Variants in COBL observed in about 807,000 individuals in gnomAD.
COBL encodes protein cordon-bleu.
In COBL, 51 loss-of-function variants were observed where a neutral mutation model predicts 98.8. That is an observed-to-expected ratio of 0.52 (90% CI 0.41 to 0.65). COBL has a LOEUF of 0.65. Among genes scored for constraint, COBL ranks in the 30% least tolerant of loss-of-function variants. COBL has a pLI of 0.00. For missense variants in COBL, 1,617 were observed against 1,617.5 expected (o/e 1.00, Z 0.01); for synonymous variants, 634 against 651.7 (o/e 0.97, Z 0.41).
At chr7:51,040,245 T>A (rs535902791) in intron 8 of COBL, among the ~76,000 whole-genome samples, 1 of 149,192 alleles carries the variant, frequency 6.7e-6, no homozygotes, top group African/African-American at 2.5e-5. Context: ...ATTCATTCTA[T>A]GAAATCCCCC....
chr7:51,021,916 A>C lies in COBL; in HGVS notation c.3768+3193T>G, dbSNP rs140842576. Among the ~76,000 whole-genome samples, 611 of 152,342 alleles carry C rather than the reference A, an allele frequency of 4.0e-3. 1 individual carries two copies. The highest frequency in any genetic ancestry group is 5.1e-3 in the Non-Finnish European group (344 of 68,038). On this transcript the variant is annotated intron_variant, in intron 12 of 12. Coordinates refer to ENST00000265136, the MANE Select transcript of COBL (RefSeq NM_015198.5). ...GGAAATGCAGTTGGTTAATGCCTTC[A>C]AAAGAATGAATCATTGGTCCAGGTG...
Position 51,029,484 on chromosome 7 carries a change from C to T in COBL, c.1612G>A (p.Ala538Thr). 6.2e-7 allele frequency: 1 copy of T among 1,614,146 alleles called. No individual in the cohort carries two copies. Among genetic ancestry groups the T allele is most frequent in the Non-Finnish European group, 8.5e-7 (1 of 1,180,014 alleles). ...DAMIPHGDTD[A>T]IPVTFIGEVS... ...TCCCCTATGAATGTTACTGGGATTG[C>T]ATCTGTGTCGCCGTGAGGGATCATG... Residue 538 changes from alanine to threonine, a missense_variant, in exon 10 of 13, where the codon GCA (alanine) becomes ACA (threonine). By Grantham distance (58) the Ala-to-Thr change is moderately conservative. This residue lies in a region of COBL where 1,304 missense variants were observed against 1,282.0 expected (regional missense o/e 1.02). Transcript: ENST00000265136.
chr7:51,167,503 G>C (rs80316706), intron 5 of COBL, among the ~76,000 whole-genome samples: 19,364 of 151,686 alleles, frequency 0.13, 1,731 homozygotes, highest in African/African-American at 0.25. Flanking sequence ...CCATACTACC[G>C]TAAGCATTCT....
intron 1 of COBL, among the ~76,000 whole-genome samples, chr7:51,312,575 T>C (rs1240996516): frequency 6.6e-6 from 1 of 152,170 alleles, no homozygotes; most frequent in African/African-American, 2.4e-5. Context: ...TTACGGTGTA[T>C]AGATGCATCC....
In COBL at chr7:51,017,475, G is replaced by A; in HGVS notation, c.*76C>T. On this transcript the variant is annotated 3_prime_UTR_variant, in exon 13 of 13. Transcript: ENST00000265136. ...AGTAACACCAAAACTTGATGTTCCT[G>A]GCTATGCAGACTCCTTGAGTGACGC... is the stretch of plus-strand genomic sequence containing the variant. 6.8e-7 allele frequency: 1 copy of A among 1,461,260 alleles called. No individual in the cohort carries two copies. Among genetic ancestry groups the A allele is most frequent in the Non-Finnish European group, 9.6e-7 (1 of 1,041,194 alleles). The allele number at this position is 1,461,260 out of a possible 1,614,324, so 90.5% of individuals were successfully genotyped here.
chr7:51,306,047 G>C (rs540853002), intron 1 of COBL, among the ~76,000 whole-genome samples: 8 of 152,074 alleles, frequency 5.3e-5, no homozygotes, highest in African/African-American at 1.7e-4. Flanking sequence ...TTGGGGCGGG[G>C]GTGGGGGCAA....
intron 12 of COBL, 72 bp downstream of exon 12, chr7:51,025,037 C>A: frequency 5.0e-6 from 8 of 1,597,680 alleles, no homozygotes; most frequent in Non-Finnish European, 6.8e-6. Context: ...CACAGGCAAG[C>A]GTGTCCCTGG....
chr7:51,284,331 C>CAATAATACACTA (rs1800111613), intron 1 of COBL, among the ~76,000 whole-genome samples: 1 of 151,074 alleles, frequency 6.6e-6, no homozygotes, highest in Admixed American at 6.6e-5. Flanking sequence ...TAATACACTA[C>CAATAATACACTA]AATCAAGGAG....
intron 1 of COBL, among the ~76,000 whole-genome samples, chr7:51,281,172 AT>A (rs1298811718): frequency 2.6e-5 from 4 of 152,234 alleles, no homozygotes; most frequent in Non-Finnish European, 5.9e-5. Flanking sequence ...AATAACTAAA[AT>A]GAAAAACTCA....
chr7:51,189,403 G>A (rs1789875073), intron 4 of COBL, among the ~76,000 whole-genome samples: 1 of 152,210 alleles, frequency 6.6e-6, no homozygotes, highest in Admixed American at 6.5e-5. Context: ...GGAGGCCAAG[G>A]CAGGCGGATC....
Position 51,182,171 on chromosome 7 carries a change from A to G in COBL, c.783+1931T>C, listed in dbSNP as rs1214182964. On this transcript the variant is annotated intron_variant, in intron 5 of 12. Transcript: ENST00000265136. The stretch of plus-strand genomic sequence containing the variant: ...TGAACTGGTGTCCTCAGGATCAAGG[A>G]GGACAAGGGTGAACACAGTCCCAGC... Among the ~76,000 whole-genome samples the G allele has an allele frequency of 3.3e-5, 5 of 152,182 alleles. No individual in the cohort carries two copies. In the East Asian group the frequency reaches 9.6e-4, roughly 29 times the overall value.
chr7:51,059,048 C>T (rs976792308), intron 7 of COBL, among the ~76,000 whole-genome samples: 6 of 152,204 alleles, frequency 3.9e-5, no homozygotes, highest in Non-Finnish European at 8.8e-5. Flanking sequence ...ATAAGTGCAC[C>T]TGCAATGGGA....
At chr7:51,146,895 T>G (rs1219611805) in intron 5 of COBL, among the ~76,000 whole-genome samples, 1 of 152,104 alleles carries the variant, frequency 6.6e-6, no homozygotes, top group Non-Finnish European at 1.5e-5. Flanking sequence ...CATTGGGAAG[T>G]TGGAGAGCAG....
chr7:51,177,775 A>AT (rs1554416765), intron 5 of COBL, among the ~76,000 whole-genome samples: 85 of 142,902 alleles, frequency 5.9e-4, no homozygotes, highest in African/African-American at 2.1e-3. Flanking sequence ...CTGTCTCAAA[A>AT]AAATAAATAA....
rs188395646 is a variant in COBL, at chr7:51,198,683, T to C, written c.246-5094A>G. Among the ~76,000 whole-genome samples, 17 of 152,356 alleles carry C rather than the reference T, an allele frequency of 1.1e-4. No individual in the cohort carries two copies. The East Asian group carries it at 2.7e-3, about 24-fold the overall frequency. ...GCATAATTCTTGCAGGACATAATTA[T>C]GGTTTCCAGATGTTACCAAATAAAT... On this transcript the variant is annotated intron_variant, in intron 2 of 12. Coordinates refer to ENST00000265136, the MANE Select transcript of COBL (RefSeq NM_015198.5).
intron 1 of COBL, among the ~76,000 whole-genome samples, chr7:51,296,910 G>T (rs917201665): frequency 6.6e-6 from 1 of 152,112 alleles, no homozygotes; most frequent in African/African-American, 2.4e-5. Context: ...GGCCACCTTG[G>T]GAGCTGGAAC....
chr7:51,154,037 C>T (rs1487237438), intron 5 of COBL, among the ~76,000 whole-genome samples: 1 of 152,166 alleles, frequency 6.6e-6, no homozygotes, highest in Non-Finnish European at 1.5e-5. Flanking sequence ...GCCCGTGTCG[C>T]TGAAAGATGA....
rs529375458 is a variant in COBL at position 51,103,441 on chromosome 7, C to G, written c.958-18137G>C. On this transcript the variant is annotated intron_variant, in intron 6 of 12. Transcript: ENST00000265136. ...ATGGCCTTGAATTTTCTAAATTTTACTTTTTCAGAAGGTAAAATTTTATCT... is the reference window on the plus strand; with the variant it reads ...ATGGCCTTGAATTTTCTAAATTTTAGTTTTTCAGAAGGTAAAATTTTATCT... 1.8e-3 allele frequency among the ~76,000 whole-genome samples: 279 copies of G among 152,110 alleles called. 2 individuals carry two copies. Among genetic ancestry groups the G allele is most frequent in the African/African-American group, 6.1e-3 (255 of 41,520 alleles).
chr7:51,198,357 G>C (rs909890453), intron 2 of COBL, among the ~76,000 whole-genome samples: 4 of 152,122 alleles, frequency 2.6e-5, no homozygotes, highest in African/African-American at 9.7e-5. Flanking sequence ...GGCTTGCAGG[G>C]TTTCTGCTAA....
Sources: allele counts gnomAD v4.1 joint callset (sites outside exome capture counted in the v4.1 genomes callset), GRCh38; gene constraint gnomAD v4.1.1; regional missense constraint gnomAD v4.1.1; transcripts MANE v1.5; gene names NCBI Gene and HGNC (gene_info 2026-07-23, HGNC 2026-07-21).